Variants in MAPK6 observed in about 807,000 individuals in gnomAD.
The protein encoded by MAPK6 is mitogen-activated protein kinase 6, also known as ERK-3.
In MAPK6, 19 loss-of-function variants were observed where a neutral mutation model predicts 59.3. The ratio of observed to expected loss-of-function variants is 0.32; its 90% CI spans 0.22 to 0.47. The LOEUF is 0.47. MAPK6 is among the 20% of genes least tolerant of loss of function. The pLI, the probability that MAPK6 is intolerant of heterozygous loss-of-function variation, is 1.00. For synonymous variants in MAPK6, 316 were observed against 290.3 expected, an observed-to-expected ratio of 1.09 and a Z score of -0.90; for missense variants, 724 against 847.9, an observed-to-expected ratio of 0.85 and a Z score of 1.81.
At chr15:52,022,001 T>C (rs1212198753) in intron 1 of MAPK6, among the ~76,000 whole-genome samples, 1 of 152,040 alleles carries the variant, frequency 6.6e-6, no homozygotes, top group Non-Finnish European at 1.5e-5. Context: ...AAAATAAGAT[T>C]GAGAGGGGGA....
chr15:52,040,120 C>A (rs1595991713), intron 1 of MAPK6, among the ~76,000 whole-genome samples: 1 of 152,322 alleles, frequency 6.6e-6, no homozygotes, highest in African/African-American at 2.4e-5. Context: ...TAGCACTTGG[C>A]CTTCTCTGCC....
chr15:52,038,579 A>G (rs2031319059), intron 1 of MAPK6, among the ~76,000 whole-genome samples: 1 of 152,174 alleles, frequency 6.6e-6, no homozygotes, highest in South Asian at 2.1e-4. Context: ...GGGGCCATCT[A>G]TTATCCTGAC....
chr15:52,012,587 C>A (rs760175863), intron 3 of MAPK6, among the ~76,000 whole-genome samples: 27 of 152,076 alleles, frequency 1.8e-4, no homozygotes, highest in Non-Finnish European at 8.8e-5. Context: ...TAAAAAGATT[C>A]TTTGCAACCT....
At chr15:51,987,707 C>T (rs1156591115) in intron 2 of MAPK6, among the ~76,000 whole-genome samples, 1 of 151,742 alleles carries the variant, frequency 6.6e-6, no homozygotes, top group Admixed American at 6.6e-5. Context: ...ATTTTTACTG[C>T]TCTTTTTGAC....
upstream of MAPK6, chr15:52,018,036 G>C (rs1185337492): frequency 6.6e-6 from 1 of 151,740 alleles, no homozygotes; most frequent in Non-Finnish European, 1.5e-5. Flanking sequence ...ATTACTCTGT[G>C]ATTTTTTTTT....
chr15:52,013,720 C>T (rs1032115432), intron 3 of MAPK6, among the ~76,000 whole-genome samples: 1 of 152,106 alleles, frequency 6.6e-6, no homozygotes, highest in South Asian at 2.1e-4. Flanking sequence ...TTTTTACTTA[C>T]ACAGGAAGGG....
In MAPK6 at chr15:52,004,850, A is replaced by G. The variant is rs1290140461; in HGVS notation, c.-632+448A>G. 2.0e-5 allele frequency among the ~76,000 whole-genome samples: 3 copies of G among 152,134 alleles called. No homozygotes were observed. The East Asian group carries it at 5.8e-4, about 29-fold the overall frequency. On this transcript the variant is annotated intron_variant, in intron 3 of 7. Coordinates refer to the MAPK6 transcript ENST00000691380. ...GCATTGGGGATTAAGTTGCCAACAT[A>G]CGCTTTTTGGGGAACACGTTCAAAC...
At chr15:52,023,125 A>AAAAC (rs2030607861) in intron 1 of MAPK6, among the ~76,000 whole-genome samples, 6 of 150,566 alleles carry the variant, frequency 4.0e-5, no homozygotes, top group Admixed American at 6.6e-5. Flanking sequence ...AAAAAAAAAA[A>AAAAC]AAACCGAAAA....
intron 1 of MAPK6, among the ~76,000 whole-genome samples, chr15:52,035,214 G>GTT (rs1268316886): frequency 6.6e-6 from 1 of 152,208 alleles, no homozygotes; most frequent in Non-Finnish European, 1.5e-5. Context: ...TCTCAGAGGT[G>GTT]TTTATTCCAT....
At chr15:51,976,798 C>G (rs1477650344) in intron 1 of MAPK6, among the ~76,000 whole-genome samples, 1 of 151,398 alleles carries the variant, frequency 6.6e-6, no homozygotes, top group Non-Finnish European at 1.5e-5. Context: ...CAAAAATTAG[C>G]CGGGCTTGGC....
rs2032183031 is a variant in MAPK6 at position 52,061,192 on chromosome 15, C to G, written c.866-107C>G. The G allele has an allele frequency of 3.7e-6, 3 of 818,940 alleles. No individual in the cohort carries two copies. The Admixed American group carries it at 5.7e-5, about 16-fold the overall frequency. 50.7% of individuals were successfully genotyped at this position (818,940 alleles called of 1,614,324 possible). On this transcript the variant is annotated intron_variant, in intron 4 of 5. Coordinates refer to ENST00000261845, the MANE Select transcript of MAPK6 (RefSeq NM_002748.4). ...ATTTCCTGTTGTGTAGTATGTAGTG[C>G]TAAGGTAATCACTTAGCTAGTCATT...
At chr15:52,040,944 T>C (rs530829378) in intron 1 of MAPK6, among the ~76,000 whole-genome samples, 1 of 152,354 alleles carries the variant, frequency 6.6e-6, no homozygotes, top group Admixed American at 6.5e-5. Flanking sequence ...ATTCACCAAA[T>C]TTTTAAAAAC....
chr15:51,995,755 C>G (rs1164992197), intron 2 of MAPK6, among the ~76,000 whole-genome samples: 3 of 152,054 alleles, frequency 2.0e-5, no homozygotes, highest in African/African-American at 4.8e-5. Flanking sequence ...TGGTGAAACC[C>G]TGTCTCTACT....
At chr15:52,016,070 G>GCGCGCGCGCGCACA, upstream of MAPK6, among the ~76,000 whole-genome samples, 269 of 55,428 alleles carry the variant, frequency 4.9e-3, 6 homozygotes, top group Non-Finnish European at 6.9e-3. Flanking sequence ...GCGCGCGCGC[G>GCGCGCGCGCGCACA]CACACACACA....
intron 2 of MAPK6, among the ~76,000 whole-genome samples, chr15:51,996,229 C>T (rs922087567): frequency 6.6e-6 from 1 of 152,142 alleles, no homozygotes; most frequent in Non-Finnish European, 1.5e-5. Context: ...AAGACCTAAC[C>T]TCTTCTAATG....
chr15:52,050,406 C>G (rs1050607559), intron 3 of MAPK6, among the ~76,000 whole-genome samples: 1 of 152,134 alleles, frequency 6.6e-6, no homozygotes, highest in Admixed American at 6.6e-5. Flanking sequence ...TGTGTTGATA[C>G]TTAAGTTGCA....
chr15:52,061,654 G>A lies in MAPK6; in HGVS notation c.1067+154G>A, dbSNP rs533390084. Among the ~76,000 whole-genome samples the A allele has an allele frequency of 1.6e-4, 24 of 152,132 alleles. No homozygotes were observed. The South Asian group carries it at 4.2e-3, about 26-fold the overall frequency. ...AAATTAGTCAGGTGTGGTGGCAGGC[G>A]CCTGTAGTCCTAGCTACTTGGAGGC... On this transcript the variant is annotated intron_variant, in intron 5 of 5. Coordinates refer to ENST00000261845, the MANE Select transcript of MAPK6 (RefSeq NM_002748.4).
At chr15:52,007,430 T>A (rs1325195275) in intron 3 of MAPK6, among the ~76,000 whole-genome samples, 1 of 152,166 alleles carries the variant, frequency 6.6e-6, no homozygotes, top group Non-Finnish European at 1.5e-5. Flanking sequence ...GAAGACAACT[T>A]TTTTTCCTCC....
chr15:51,974,621 T>C (rs2057151808), intron 1 of MAPK6, among the ~76,000 whole-genome samples: 1 of 123,954 alleles, frequency 8.1e-6, no homozygotes, highest in South Asian at 2.9e-4. Flanking sequence ...ATCACGCCAC[T>C]GCACCCGAGC....
Sources: gnomAD v4.1 joint callset for allele counts (sites outside exome capture counted in the v4.1 genomes callset) on GRCh38, gnomAD v4.1.1 for gene constraint, MANE v1.5 for transcripts, NCBI Gene and HGNC (gene_info 2026-07-23, HGNC 2026-07-21) for gene names.